The following BLTP3B variants were observed in gnomAD, a reference collection of about 807,000 sequenced individuals.
BLTP3B encodes the protein UHRF1 (ICBP90) binding protein 1-like.
At chr12:100,088,783 A>G in the BLTP3B span, 2 of 684,902 alleles carry the variant, frequency 2.9e-6, no homozygotes, top group African/African-American at 1.9e-5. Context: ...CCTTTCATCT[A>G]TATATTCATA....
the BLTP3B span, among the ~76,000 whole-genome samples, chr12:100,044,605 A>T: frequency 1.3e-5 from 2 of 152,208 alleles, no homozygotes; most frequent in Admixed American, 6.5e-5. Flanking sequence ...CTAAGTACAC[A>T]GGCAATACAC....
chr12:100,130,202 C>T, the BLTP3B span, among the ~76,000 whole-genome samples: 8,480 of 152,240 alleles, frequency 0.056, 757 homozygotes, highest in African/African-American at 0.19. Flanking sequence ...TCAAGTGATG[C>T]GCCCGCCTTG....
At chr12:100,058,902 G>GT in the BLTP3B span, 1 of 1,613,886 alleles carries the variant, frequency 6.2e-7, no homozygotes, top group Non-Finnish European at 8.5e-7. Context: ...TCTGAAAAAT[G>GT]TATCTGATGA....
chr12:100,142,840 G>A, the BLTP3B span: 2 of 663,266 alleles, frequency 3.0e-6, no homozygotes, highest in South Asian at 4.1e-5. Flanking sequence ...GCCGCCGCGG[G>A]CGCCATCTTG....
the BLTP3B span, chr12:100,088,876 G>C: frequency 6.9e-7 from 1 of 1,449,220 alleles, no homozygotes; most frequent in South Asian, 1.6e-5. Flanking sequence ...GTCAATTCTA[G>C]AAAAACCAAA....
chr12:100,130,028 G>A, the BLTP3B span, among the ~76,000 whole-genome samples: 5 of 152,210 alleles, frequency 3.3e-5, no homozygotes, highest in South Asian at 2.1e-4. Flanking sequence ...GCACGATCTC[G>A]GTTCACTGAA....
chr12:100,067,085 T>G, the BLTP3B span, among the ~76,000 whole-genome samples: 1 of 152,170 alleles, frequency 6.6e-6, no homozygotes, highest in African/African-American at 2.4e-5. Flanking sequence ...TGCTCCTGAA[T>G]GATCACTGGG....
the BLTP3B span, among the ~76,000 whole-genome samples, chr12:100,098,963 T>C: frequency 6.8e-6 from 1 of 146,308 alleles, no homozygotes; most frequent in Admixed American, 6.7e-5. Context: ...CATAGATACA[T>C]AGATACATAG....
the BLTP3B span, among the ~76,000 whole-genome samples, chr12:100,112,126 G>C: frequency 6.6e-6 from 1 of 152,104 alleles, no homozygotes; most frequent in Non-Finnish European, 1.5e-5. Flanking sequence ...AAAAGTTCAA[G>C]GGAAACCAAA....
At chr12:100,062,227 C>A in the BLTP3B span, among the ~76,000 whole-genome samples, 1 of 152,184 alleles carries the variant, frequency 6.6e-6, no homozygotes, top group South Asian at 2.1e-4. Flanking sequence ...GTTATAGCAG[C>A]CCTAACAAAT....
At chr12:100,047,237 C>T in the BLTP3B span, among the ~76,000 whole-genome samples, 24 of 152,262 alleles carry the variant, frequency 1.6e-4, no homozygotes, top group African/African-American at 5.5e-4. Context: ...GTGGCTCGCA[C>T]CTGTAATCCC....
chr12:100,093,136 G>T, the BLTP3B span, among the ~76,000 whole-genome samples: 34 of 152,146 alleles, frequency 2.2e-4, no homozygotes, highest in Non-Finnish European at 3.7e-4. Context: ...ACCAGTCCAG[G>T]AAAACTATTC....
At chr12:100,137,071 A>T in the BLTP3B span, among the ~76,000 whole-genome samples, 7 of 152,166 alleles carry the variant, frequency 4.6e-5, no homozygotes, top group African/African-American at 1.7e-4. Flanking sequence ...TCAGCCTCCC[A>T]AAGTGGTAGG....
the BLTP3B span, among the ~76,000 whole-genome samples, chr12:100,136,382 C>A: frequency 6.6e-5 from 10 of 151,906 alleles, no homozygotes; most frequent in Middle Eastern, 3.2e-3. Context: ...GACAAGTAGT[C>A]CAATTTAGAA....
At chr12:100,103,923 G>A in the BLTP3B span, 1 of 1,598,928 alleles carries the variant, frequency 6.3e-7, no homozygotes, top group Non-Finnish European at 8.5e-7. Context: ...CAAACAGATG[G>A]GATGTGTTTT....
the BLTP3B span, chr12:100,058,856 G>T: frequency 6.2e-7 from 1 of 1,613,944 alleles, no homozygotes; most frequent in South Asian, 1.1e-5. Flanking sequence ...CATGAACTAG[G>T]AGATGAATAT....
chr12:100,095,649 G>C, the BLTP3B span: 1 of 1,577,818 alleles, frequency 6.3e-7, no homozygotes, highest in Non-Finnish European at 8.5e-7. Context: ...TATTTTTCCT[G>C]TTAACTTTAT....
At chr12:100,100,722 ATTCTATT>A in the BLTP3B span, among the ~76,000 whole-genome samples, 1 of 122,686 alleles carries the variant, frequency 8.2e-6, no homozygotes, top group African/African-American at 4.0e-5. Flanking sequence ...ACATATTCAC[ATTCTATT>A]TTTTTTTTTT....
the BLTP3B span, among the ~76,000 whole-genome samples, chr12:100,049,485 T>A: frequency 6.6e-6 from 1 of 152,158 alleles, no homozygotes; most frequent in Non-Finnish European, 1.5e-5. Flanking sequence ...TAAAGATGTG[T>A]GTATTTATTT....
Sources: gnomAD v4.1 joint callset for allele counts (sites outside exome capture counted in the v4.1 genomes callset) on GRCh38, gnomAD v4.1.1 for gene constraint, MANE v1.5 for transcripts, NCBI Gene and HGNC (gene_info 2026-07-23, HGNC 2026-07-21) for gene names.